EVI5: variants seen among roughly 807,000 people sequenced by gnomAD.
The protein encoded by EVI5 is ecotropic viral integration site 5.
Under a neutral mutation model 112.0 loss-of-function variants are expected in EVI5, and 73 were observed. The observed-to-expected ratio is 0.65, with a 90% CI of 0.54 to 0.79. The LOEUF (loss-of-function observed/expected upper bound fraction) is 0.79, where lower values mean the gene tolerates loss of function less well. Among genes scored for constraint, EVI5 ranks in the 30% least tolerant of loss-of-function variants. The pLI is 0.00. For missense variants in EVI5, 900 were observed against 968.8 expected (o/e 0.93, Z 0.94); for synonymous variants, 305 against 319.9 (o/e 0.95, Z 0.50).
At chr1:92,663,987 ATCCTC>A in intron 11 of EVI5, among the ~76,000 whole-genome samples, 1 of 152,156 alleles carries the variant, frequency 6.6e-6, no homozygotes, top group East Asian at 1.9e-4. Context: ...GCCTTACGCA[ATCCTC>A]TTGTCTCAGC....
At chr1:92,596,966 G>A (rs1256299894) in intron 18 of EVI5, among the ~76,000 whole-genome samples, 2 of 152,082 alleles carry the variant, frequency 1.3e-5, no homozygotes, top group African/African-American at 4.8e-5. Flanking sequence ...ATGTAGGCAA[G>A]AAAGAACACT....
At chr1:92,606,587 A>G (rs1031603896) in intron 17 of EVI5, among the ~76,000 whole-genome samples, 1 of 152,178 alleles carries the variant, frequency 6.6e-6, no homozygotes, top group Admixed American at 6.6e-5. Context: ...ATACATTGTA[A>G]CAGCCATGCA....
intron 1 of EVI5, among the ~76,000 whole-genome samples, chr1:92,747,424 C>T (rs1466828957): frequency 1.3e-5 from 2 of 151,988 alleles, no homozygotes; most frequent in Admixed American, 1.3e-4. Context: ...CTTAAAACAA[C>T]AGAAATAAGC....
chr1:92,554,569 A>G (rs1341902916), intron 19 of EVI5, among the ~76,000 whole-genome samples: 1 of 152,238 alleles, frequency 6.6e-6, no homozygotes, highest in African/African-American at 2.4e-5. Context: ...AAATCTGCAC[A>G]ATAATTTCTA....
chr1:92,752,882 AAAG>A (rs1462001766), intron 1 of EVI5, among the ~76,000 whole-genome samples: 1 of 152,180 alleles, frequency 6.6e-6, no homozygotes, highest in African/African-American at 2.4e-5. Context: ...CTACTTTCTA[AAAG>A]AACACTTTAT....
intron 19 of EVI5, among the ~76,000 whole-genome samples, chr1:92,550,638 T>C (rs547207874): frequency 8.6e-4 from 124 of 144,948 alleles, no homozygotes; most frequent in African/African-American, 3.0e-3. Flanking sequence ...TCCCAGCTAC[T>C]TGGGAGGCTG....
At chr1:92,654,538 G>GA (rs1662693716) in intron 13 of EVI5, among the ~76,000 whole-genome samples, 1 of 152,052 alleles carries the variant, frequency 6.6e-6, no homozygotes, top group African/African-American at 2.4e-5. Flanking sequence ...CTGTCCAAAT[G>GA]AAAGTAAATT....
chr1:92,592,984 C>G (rs973568527), intron 18 of EVI5, among the ~76,000 whole-genome samples: 1 of 152,176 alleles, frequency 6.6e-6, no homozygotes, highest in Non-Finnish European at 1.5e-5. Flanking sequence ...CGAATTCTAC[C>G]AGAGGTACAA....
chr1:92,722,152 AC>A (rs1674849707), intron 2 of EVI5, among the ~76,000 whole-genome samples: 1 of 151,992 alleles, frequency 6.6e-6, no homozygotes, highest in Admixed American at 6.6e-5. Context: ...TACCTCTCAT[AC>A]TTTTTTTTGT....
intron 13 of EVI5, among the ~76,000 whole-genome samples, chr1:92,643,081 T>C (rs1396215647): frequency 6.6e-6 from 1 of 152,136 alleles, no homozygotes; most frequent in Non-Finnish European, 1.5e-5. Flanking sequence ...AACACATTTG[T>C]TATACCCCAC....
intron 14 of EVI5, among the ~76,000 whole-genome samples, chr1:92,628,349 T>C (rs1656151433): frequency 6.6e-6 from 1 of 152,368 alleles, no homozygotes; most frequent in South Asian, 2.1e-4. Context: ...CAGCTATTTA[T>C]CTTTGTTCTA....
At chr1:92,585,087 G>A (rs1004912023) in intron 18 of EVI5, among the ~76,000 whole-genome samples, 11 of 151,978 alleles carry the variant, frequency 7.2e-5, no homozygotes, top group African/African-American at 2.7e-4. Context: ...AGCCAGGTGT[G>A]GTAGCAGTCA....
At chr1:92,697,242 TGAAAA>T (rs1670466249) in intron 6 of EVI5, among the ~76,000 whole-genome samples, 1 of 151,938 alleles carries the variant, frequency 6.6e-6, no homozygotes, top group Non-Finnish European at 1.5e-5. Flanking sequence ...TTGAAATAAA[TGAAAA>T]TATTTACATT....
chr1:92,770,749 C>T (rs1320503316), intron 1 of EVI5, among the ~76,000 whole-genome samples: 2 of 151,700 alleles, frequency 1.3e-5, no homozygotes, highest in Admixed American at 6.6e-5. Flanking sequence ...GAAATCGCGC[C>T]ACTGAACTCC....
At chr1:92,736,992 T>C (rs1330536432) in intron 1 of EVI5, among the ~76,000 whole-genome samples, 3 of 152,182 alleles carry the variant, frequency 2.0e-5, no homozygotes, top group Admixed American at 1.3e-4. Context: ...TATGGGTGTA[T>C]TGAGTGAGGA....
At chr1:92,678,151 A>G (rs1436361217) in intron 9 of EVI5, among the ~76,000 whole-genome samples, 2 of 152,224 alleles carry the variant, frequency 1.3e-5, no homozygotes, top group East Asian at 3.8e-4. Flanking sequence ...AAACCTCAGC[A>G]TCATGCAATA....
chr1:92,617,879 C>T (rs927768327), intron 16 of EVI5, among the ~76,000 whole-genome samples: 5 of 152,186 alleles, frequency 3.3e-5, no homozygotes, highest in African/African-American at 7.2e-5. Context: ...TGTGCACTCA[C>T]GGAATACCTT....
At chr1:92,760,502 C>A (rs1335702073) in intron 1 of EVI5, among the ~76,000 whole-genome samples, 1 of 151,948 alleles carries the variant, frequency 6.6e-6, no homozygotes, top group South Asian at 2.1e-4. Context: ...GAGGCTGAGG[C>A]GGGAGGATCA....
At chr1:92,782,379 T>C (rs1025641712) in intron 1 of EVI5, among the ~76,000 whole-genome samples, 3 of 151,766 alleles carry the variant, frequency 2.0e-5, no homozygotes, top group Non-Finnish European at 2.9e-5. Flanking sequence ...ATGCAATACA[T>C]ATATATCCTA....
Sources: gnomAD v4.1 joint callset for allele counts (sites outside exome capture counted in the v4.1 genomes callset) on GRCh38, gnomAD v4.1.1 for gene constraint, MANE v1.5 for transcripts, NCBI Gene and HGNC (gene_info 2026-07-23, HGNC 2026-07-21) for gene names.